The following SEMA3A variants were observed in gnomAD, a reference collection of about 807,000 sequenced individuals.
SEMA3A encodes semaphorin 3A, also known as semaphorin-3A.
Under a neutral mutation model 97.9 loss-of-function variants are expected in SEMA3A, and 29 were observed. The observed-to-expected ratio is 0.30, with a 90% confidence interval of 0.22 to 0.40. The LOEUF (loss-of-function observed/expected upper bound fraction) is 0.40. Among genes scored for constraint, SEMA3A ranks in the 10% least tolerant of loss-of-function variants. The pLI, the probability that SEMA3A is intolerant of heterozygous loss-of-function variation, is 1.00. For synonymous variants in SEMA3A, 321 were observed against 323.7 expected, an observed-to-expected ratio of 0.99 and a Z score of 0.09; for missense variants, 763 against 951.3, an observed-to-expected ratio of 0.80 and a Z score of 2.60.
chr7:84,491,270 T>A (rs1806723081), intron 1 of SEMA3A, among the ~76,000 whole-genome samples: 1 of 152,180 alleles, frequency 6.6e-6, no homozygotes, highest in Non-Finnish European at 1.5e-5. Flanking sequence ...GCCTAACTAC[T>A]CTACATATGT....
At chr7:84,050,272 A>C (rs1173229046) in intron 5 of SEMA3A, among the ~76,000 whole-genome samples, 2 of 151,956 alleles carry the variant, frequency 1.3e-5, no homozygotes, top group African/African-American at 4.8e-5. Flanking sequence ...TAGATCTCTG[A>C]AGAATTGCCA....
At chr7:83,985,958 T>C (rs911166766) in intron 12 of SEMA3A, among the ~76,000 whole-genome samples, 1 of 152,188 alleles carries the variant, frequency 6.6e-6, no homozygotes, top group African/African-American at 2.4e-5. Flanking sequence ...GGCGAAGAAG[T>C]AGCAATAACT....
intron 3 of SEMA3A, among the ~76,000 whole-genome samples, chr7:84,231,114 CAG>C (rs1454750289): frequency 2.6e-5 from 4 of 151,952 alleles, no homozygotes; most frequent in Admixed American, 2.0e-4. Flanking sequence ...ATCTCATAAA[CAG>C]AATTAATCAC....
intron 3 of SEMA3A, among the ~76,000 whole-genome samples, chr7:84,217,175 T>C (rs1341278241): frequency 1.3e-5 from 2 of 152,224 alleles, no homozygotes; most frequent in Non-Finnish European, 2.9e-5. Context: ...CAGAAAGGAA[T>C]GCCTCTCTTT....
chr7:84,062,332 T>C (rs1457576676), intron 4 of SEMA3A, among the ~76,000 whole-genome samples: 1 of 152,184 alleles, frequency 6.6e-6, no homozygotes, highest in Non-Finnish European at 1.5e-5. Context: ...TGAAAAGACA[T>C]ATTCTATTCA....
intron 1 of SEMA3A, among the ~76,000 whole-genome samples, chr7:84,404,125 C>G (rs1803992462): frequency 6.6e-6 from 1 of 151,848 alleles, no homozygotes; most frequent in Non-Finnish European, 1.5e-5. Context: ...CAAATAATGG[C>G]AAAGAAGTTA....
chr7:84,173,870 T>C (rs187733012), intron 1 of SEMA3A, among the ~76,000 whole-genome samples: 1 of 152,214 alleles, frequency 6.6e-6, no homozygotes, highest in East Asian at 1.9e-4. Context: ...CATTAGATTG[T>C]CACAGGAGTC....
At chr7:83,983,203 C>T (rs1330287211) in intron 13 of SEMA3A, among the ~76,000 whole-genome samples, 2 of 149,960 alleles carry the variant, frequency 1.3e-5, no homozygotes, top group Admixed American at 1.3e-4. Flanking sequence ...TTCTTTCTTT[C>T]TCTTTCTTTC....
intron 1 of SEMA3A, among the ~76,000 whole-genome samples, chr7:84,474,638 C>T (rs185377702): frequency 4.1e-4 from 62 of 152,202 alleles, no homozygotes; most frequent in African/African-American, 1.3e-3. Flanking sequence ...GTTATTACTA[C>T]CTGACAGTTT....
intron 4 of SEMA3A, among the ~76,000 whole-genome samples, chr7:84,106,277 C>T (rs1795107354): frequency 6.6e-6 from 1 of 152,234 alleles, no homozygotes; most frequent in Non-Finnish European, 1.5e-5. Flanking sequence ...ATTGGAAAGC[C>T]TTGTCTCTCT....
At chr7:84,076,730 G>T (rs961570229) in intron 4 of SEMA3A, among the ~76,000 whole-genome samples, 5 of 152,018 alleles carry the variant, frequency 3.3e-5, no homozygotes, top group African/African-American at 9.7e-5. Context: ...AAGTCACTTT[G>T]TTTCTAAGTT....
intron 2 of SEMA3A, among the ~76,000 whole-genome samples, chr7:84,365,916 C>T (rs1802837179): frequency 6.6e-6 from 1 of 151,014 alleles, no homozygotes; most frequent in Non-Finnish European, 1.5e-5. Flanking sequence ...TAAATTATAA[C>T]ATTTAAATTA....
At chr7:84,080,330 T>G (rs530738639) in intron 4 of SEMA3A, among the ~76,000 whole-genome samples, 4 of 151,612 alleles carry the variant, frequency 2.6e-5, no homozygotes, top group African/African-American at 9.7e-5. Context: ...TGTGCACATG[T>G]GCCCTAAAAC....
intron 1 of SEMA3A, among the ~76,000 whole-genome samples, chr7:84,376,788 G>T (rs1803114983): frequency 6.6e-6 from 1 of 151,924 alleles, no homozygotes; most frequent in East Asian, 1.9e-4. Context: ...TATGATGTTT[G>T]TGTGTCTTCT....
intron 3 of SEMA3A, among the ~76,000 whole-genome samples, chr7:84,276,404 A>C (rs1800296184): frequency 6.6e-6 from 1 of 152,094 alleles, no homozygotes; most frequent in Admixed American, 6.6e-5. Context: ...ACATTGCCTT[A>C]TAATTGATAT....
At chr7:84,085,828 G>A (rs1794317832) in intron 4 of SEMA3A, among the ~76,000 whole-genome samples, 1 of 152,042 alleles carries the variant, frequency 6.6e-6, no homozygotes, top group African/African-American at 2.4e-5. Context: ...ATATGCATGG[G>A]TTGTCAGAAA....
intron 1 of SEMA3A, among the ~76,000 whole-genome samples, chr7:84,424,923 ATT>A (rs1443846043): frequency 4.1e-5 from 4 of 97,754 alleles, no homozygotes; most frequent in Admixed American, 1.7e-4. Context: ...ATATATATAT[ATT>A]TATATTTATA....
rs185951870 is a variant in SEMA3A, at chr7:84,263,603, T to C, written c.-83+43604A>G. Reference sequence around the variant, plus strand: ...CGCAACATGTCTGGCACATAGTCAATGCCATATAAGCATTTGCTATTATTA... The same window carrying C: ...CGCAACATGTCTGGCACATAGTCAACGCCATATAAGCATTTGCTATTATTA... On this transcript the variant is annotated intron_variant, in intron 3 of 3. Coordinates refer to the SEMA3A transcript ENST00000424555. 9.8e-5 allele frequency among the ~76,000 whole-genome samples: 15 copies of C among 152,332 alleles called. 1 individual carries two copies. In the East Asian group the frequency reaches 2.7e-3, roughly 27 times the overall value.
intron 2 of SEMA3A, among the ~76,000 whole-genome samples, chr7:84,311,000 T>TTA (rs4016123): frequency 0.42 from 61,925 of 148,470 alleles, 13,799 homozygotes; most frequent in African/African-American, 0.59. Context: ...TTAGTAGATG[T>TTA]TATATATATA....
Sources: gnomAD v4.1 joint callset for allele counts (sites outside exome capture counted in the v4.1 genomes callset) on GRCh38, gnomAD v4.1.1 for gene constraint, MANE v1.5 for transcripts, NCBI Gene and HGNC (gene_info 2026-07-23, HGNC 2026-07-21) for gene names.